The following OSBPL9 variants were observed in gnomAD, a reference collection of about 807,000 sequenced individuals.
The protein encoded by OSBPL9 is oxysterol binding protein like 9.
OSBPL9 carries 40 observed loss-of-function variants against 106.6 expected under a neutral mutation model. The ratio of observed to expected loss-of-function variants is 0.38; its 90% confidence interval spans 0.29 to 0.49. OSBPL9 has a LOEUF of 0.49. Ranked by LOEUF, OSBPL9 falls within the 20% of genes least tolerant of loss-of-function variation. OSBPL9 has a pLI of 0.97. For missense variants in OSBPL9, 609 were observed against 887.2 expected, an observed-to-expected ratio of 0.69 and a Z score of 3.98; for synonymous variants, 269 against 295.4, an observed-to-expected ratio of 0.91 and a Z score of 0.92.
At chr1:51,714,144 C>CTT in intron 4 of OSBPL9, 65 bp downstream of exon 4, 1 of 1,236,540 alleles carries the variant, frequency 8.1e-7, no homozygotes, top group Non-Finnish European at 1.1e-6. Context: ...TGTCTGTTTT[C>CTT]TGTTTTTTTT....
At chr1:51,724,056 T>C (rs1389197895) in intron 4 of OSBPL9, among the ~76,000 whole-genome samples, 1 of 152,108 alleles carries the variant, frequency 6.6e-6, no homozygotes, top group East Asian at 1.9e-4. Flanking sequence ...AAGCGATTCT[T>C]GTGCCTTGGC....
chr1:51,705,399 ATTTTTTT>A (rs869169566), intron 3 of OSBPL9, among the ~76,000 whole-genome samples: 11 of 40,442 alleles, frequency 2.7e-4, no homozygotes, highest in South Asian at 1.1e-3. Flanking sequence ...ATATATATAT[ATTTTTTT>A]TTTTTTTTTT....
In OSBPL9 at chr1:51,723,467, A is replaced by G. The variant is rs568664718; in HGVS notation, c.318+9388A>G. Among the ~76,000 whole-genome samples, 9 of 152,090 alleles carry G rather than the reference A, an allele frequency of 5.9e-5. No individual in the cohort carries two copies. In the East Asian group the frequency reaches 1.6e-3, roughly 26 times the overall value. ...ATTTAAGTTTCATCCTCATCTTTTC[A>G]TGGCTTGATAGCTCATTTCTTTCCC... On this transcript the variant is annotated intron_variant, in intron 4 of 23. Coordinates refer to ENST00000428468, the MANE Select transcript of OSBPL9 (RefSeq NM_024586.6).
intron 4 of OSBPL9, among the ~76,000 whole-genome samples, chr1:51,726,995 G>A (rs1571351388): frequency 6.6e-6 from 1 of 152,196 alleles, no homozygotes; most frequent in South Asian, 2.1e-4. Flanking sequence ...GCTATCTGTA[G>A]TATTAAATTG....
At chr1:51,678,672 A>G (rs530967916) in intron 3 of OSBPL9, among the ~76,000 whole-genome samples, 2 of 152,182 alleles carry the variant, frequency 1.3e-5, no homozygotes, top group African/African-American at 4.8e-5. Context: ...AAAAATAAAT[A>G]AATAAATAAA....
intron 3 of OSBPL9, among the ~76,000 whole-genome samples, chr1:51,692,736 C>G (rs187191621): frequency 6.8e-6 from 1 of 146,390 alleles, no homozygotes; most frequent in Admixed American, 7.0e-5. Flanking sequence ...GATCATGGCT[C>G]ACTGCAGCCT....
chr1:51,777,646 T>C (rs1234447669), intron 15 of OSBPL9, among the ~76,000 whole-genome samples: 2 of 151,410 alleles, frequency 1.3e-5, no homozygotes, highest in East Asian at 1.9e-4. Flanking sequence ...TTTTTTTTTC[T>C]TGATGAAGAT....
At chr1:51,680,031 CGT>C (rs1023090710) in intron 3 of OSBPL9, among the ~76,000 whole-genome samples, 1 of 152,034 alleles carries the variant, frequency 6.6e-6, no homozygotes, top group African/African-American at 2.4e-5. Context: ...TGAATGTGTG[CGT>C]GTTATAAAAT....
At chr1:51,541,817 T>G in the OSBPL9 span, among the ~76,000 whole-genome samples, 1 of 152,298 alleles carries the variant, frequency 6.6e-6, no homozygotes, top group South Asian at 2.1e-4. Context: ...CAGGTTATGG[T>G]CGAGTCCAGT....
At chr1:51,656,941 G>A (rs953739931) in intron 2 of OSBPL9, among the ~76,000 whole-genome samples, 1 of 151,916 alleles carries the variant, frequency 6.6e-6, no homozygotes, top group Admixed American at 6.6e-5. Flanking sequence ...GTCTCCCAAA[G>A]CATTGGAAAT....
chr1:51,593,504 ATGCCAC>A (rs1478656801), intron 1 of OSBPL9, among the ~76,000 whole-genome samples: 1 of 152,106 alleles, frequency 6.6e-6, no homozygotes, highest in African/African-American at 2.4e-5. Context: ...TTCCCTGAAG[ATGCCAC>A]TGCTGGCTGT....
At chr1:51,634,543 A>G (rs1056476400) in intron 1 of OSBPL9, among the ~76,000 whole-genome samples, 10 of 152,220 alleles carry the variant, frequency 6.6e-5, no homozygotes, top group South Asian at 2.1e-4. Flanking sequence ...AAGGTATACA[A>G]ATTTATTCAC....
chr1:51,762,857 C>G (rs1465417103), intron 11 of OSBPL9, among the ~76,000 whole-genome samples: 1 of 152,174 alleles, frequency 6.6e-6, no homozygotes, highest in Non-Finnish European at 1.5e-5. Flanking sequence ...CTGATGGAAG[C>G]AATACTTCAG....
chr1:51,670,698 T>G (rs911210097), intron 3 of OSBPL9, among the ~76,000 whole-genome samples: 1 of 152,228 alleles, frequency 6.6e-6, no homozygotes, highest in Non-Finnish European at 1.5e-5. Context: ...CAGAGCTGCT[T>G]TAATAACGAT....
chr1:51,722,162 A>AATAGATAGATAGATAG (rs3991279), intron 4 of OSBPL9, among the ~76,000 whole-genome samples: 108 of 147,072 alleles, frequency 7.3e-4, no homozygotes, highest in East Asian at 3.6e-3. Flanking sequence ...CTCTAAAATA[A>AATAGATAGATAGATAG]ATAGATAGAT....
chr1:51,536,103 C>T, the OSBPL9 span, among the ~76,000 whole-genome samples: 76 of 152,086 alleles, frequency 5.0e-4, no homozygotes, highest in Non-Finnish European at 8.4e-4. Flanking sequence ...CTCTTATATA[C>T]CTACATACCC....
At chr1:51,602,983 C>CT (rs1047714383) in intron 2 of OSBPL9, among the ~76,000 whole-genome samples, 2 of 152,128 alleles carry the variant, frequency 1.3e-5, no homozygotes, top group African/African-American at 4.8e-5. Context: ...TGGTGAAACC[C>CT]TTTCTTGGCA....
the OSBPL9 span, among the ~76,000 whole-genome samples, chr1:51,546,427 G>T: frequency 6.6e-6 from 1 of 152,122 alleles, no homozygotes; most frequent in Non-Finnish European, 1.5e-5. Context: ...GCTGGGCGCG[G>T]TGGCTCACGC....
At chr1:51,758,174 A>AT (rs1557816964) in intron 9 of OSBPL9, among the ~76,000 whole-genome samples, 1 of 152,148 alleles carries the variant, frequency 6.6e-6, no homozygotes, top group Non-Finnish European at 1.5e-5. Flanking sequence ...AAAAGACAAA[A>AT]TTACAACAAA....
Sources: gnomAD v4.1 joint callset for allele counts (sites outside exome capture counted in the v4.1 genomes callset) on GRCh38, gnomAD v4.1.1 for gene constraint, MANE v1.5 for transcripts, NCBI Gene and HGNC (gene_info 2026-07-23, HGNC 2026-07-21) for gene names.